LUZP2: variants seen among roughly 807,000 people sequenced by gnomAD.
The protein encoded by LUZP2 is leucine zipper protein 2.
In LUZP2, 52 loss-of-function variants were observed where a neutral mutation model predicts 51.6. That is an observed-to-expected ratio of 1.01 (90% CI 0.81 to 1.27). The LOEUF (loss-of-function observed/expected upper bound fraction) is 1.27, where lower values mean the gene tolerates loss of function less well. Among genes scored for constraint, LUZP2 ranks in the 50% most tolerant of loss-of-function variants. LUZP2 has a pLI of 0.00. For synonymous variants in LUZP2, 154 were observed against 137.3 expected, an observed-to-expected ratio of 1.12 and a Z score of -0.85; for missense variants, 436 against 395.4, an observed-to-expected ratio of 1.10 and a Z score of -0.87.
intron 1 of LUZP2, among the ~76,000 whole-genome samples, chr11:24,536,859 G>T (rs1184195256): frequency 1.3e-5 from 2 of 151,770 alleles, no homozygotes; most frequent in African/African-American, 4.8e-5. Context: ...TTATTTTTAA[G>T]TTTCGATTTA....
intron 4 of LUZP2, among the ~76,000 whole-genome samples, chr11:24,759,654 T>G (rs1170325845): frequency 3.9e-5 from 6 of 152,124 alleles, no homozygotes; most frequent in African/African-American, 1.4e-4. Flanking sequence ...TAATATGGCT[T>G]TAAGTAGTTC....
chr11:24,910,327 A>G (rs568797009), intron 6 of LUZP2, among the ~76,000 whole-genome samples: 2 of 152,340 alleles, frequency 1.3e-5, no homozygotes, highest in South Asian at 2.1e-4. Flanking sequence ...GAGGAGCCCA[A>G]TGTTAATCAC....
chr11:24,696,619 T>C (rs1299302384), intron 1 of LUZP2, among the ~76,000 whole-genome samples: 2 of 152,038 alleles, frequency 1.3e-5, no homozygotes, highest in Non-Finnish European at 2.9e-5. Flanking sequence ...CTCTTGACTC[T>C]GGTAGGGGAT....
At chr11:24,659,430 G>A (rs1351420906) in intron 1 of LUZP2, among the ~76,000 whole-genome samples, 1 of 152,040 alleles carries the variant, frequency 6.6e-6, no homozygotes, top group East Asian at 1.9e-4. Context: ...TGGGGTGGGG[G>A]GAGCGGGGAA....
intron 9 of LUZP2, among the ~76,000 whole-genome samples, chr11:25,018,104 T>C (rs1215000767): frequency 2.6e-5 from 4 of 151,852 alleles, no homozygotes; most frequent in Non-Finnish European, 5.9e-5. Context: ...CTTGATTTGA[T>C]ATTCAGCTTG....
At chr11:24,857,436 AT>A (rs1851605158) in intron 5 of LUZP2, among the ~76,000 whole-genome samples, 1 of 151,548 alleles carries the variant, frequency 6.6e-6, no homozygotes, top group South Asian at 2.1e-4. Flanking sequence ...AACAAGTAAC[AT>A]TAATTTGCTA....
At chr11:24,750,280 C>T (rs1375368494) in intron 4 of LUZP2, among the ~76,000 whole-genome samples, 3 of 152,160 alleles carry the variant, frequency 2.0e-5, no homozygotes, top group Non-Finnish European at 4.4e-5. Flanking sequence ...ATCTTGACTT[C>T]CACAGACTTA....
chr11:24,972,727 T>C (rs1388538846), intron 7 of LUZP2, among the ~76,000 whole-genome samples: 1 of 152,152 alleles, frequency 6.6e-6, no homozygotes, highest in East Asian at 1.9e-4. Flanking sequence ...TGAATTTACA[T>C]TTACTGATTT....
chr11:24,907,196 A>G (rs1853481164), intron 6 of LUZP2, among the ~76,000 whole-genome samples: 1 of 151,988 alleles, frequency 6.6e-6, no homozygotes, highest in Non-Finnish European at 1.5e-5. Flanking sequence ...CGAGTCTGGA[A>G]AATGTCACTA....
At position 24,611,073 on chromosome 11, in the gene LUZP2, T is replaced by TTTTTG. The variant is rs539794541; in HGVS notation, c.62+113789_62+113793dup. 2.6e-4 allele frequency among the ~76,000 whole-genome samples: 39 copies of TTTTTG among 152,246 alleles called. 1 individual carries two copies. The South Asian group carries it at 6.6e-3, about 26-fold the overall frequency. On this transcript the variant is annotated intron_variant, in intron 1 of 11. Coordinates refer to ENST00000336930, the MANE Select transcript of LUZP2 (RefSeq NM_001009909.4). The surrounding 1 kb of genome is among the most constrained non-coding windows in gnomAD (Gnocchi z 4.6). Reference sequence around the variant, plus strand: ...TAGCTTTGTTTTTTTTTATTTTTATTTTTTGTTTTGTTTTGTTTTGTTTTG... The same window carrying TTTTTG: ...TAGCTTTGTTTTTTTTTATTTTTATTTTTTGTTTTGTTTTGTTTTGTTTTGTTTTG...
chr11:24,624,325 AT>A (rs965371532), intron 1 of LUZP2, among the ~76,000 whole-genome samples: 12 of 151,340 alleles, frequency 7.9e-5, no homozygotes, highest in South Asian at 2.1e-4. Flanking sequence ...AATAATAATG[AT>A]TTTTTTTTGT....
chr11:24,795,150 G>A (rs146853363), intron 5 of LUZP2, among the ~76,000 whole-genome samples: 1,832 of 152,124 alleles, frequency 0.012, 18 homozygotes, highest in Admixed American at 0.019. Flanking sequence ...TAATCATATG[G>A]ACAATATACA....
At chr11:24,898,168 A>G (rs1472603381) in intron 5 of LUZP2, among the ~76,000 whole-genome samples, 2 of 152,180 alleles carry the variant, frequency 1.3e-5, no homozygotes, top group East Asian at 1.9e-4. Context: ...GAAAATATCC[A>G]TGAAGAGAAA....
chr11:24,800,495 C>A (rs1470688613), intron 5 of LUZP2, among the ~76,000 whole-genome samples: 1 of 150,952 alleles, frequency 6.6e-6, no homozygotes, highest in Admixed American at 6.6e-5. Flanking sequence ...CTAGTGAATG[C>A]CAGGTCAACC....
chr11:25,059,977 T>G (rs1280466566), intron 10 of LUZP2, among the ~76,000 whole-genome samples: 1 of 152,138 alleles, frequency 6.6e-6, no homozygotes, highest in Non-Finnish European at 1.5e-5. Context: ...GCACCTAATA[T>G]GTGCAAGATA....
At chr11:24,549,103 T>C (rs1851646783) in intron 1 of LUZP2, among the ~76,000 whole-genome samples, 1 of 152,080 alleles carries the variant, frequency 6.6e-6, no homozygotes. Flanking sequence ...ATTCTTTTGT[T>C]ATAAAATTTA....
chr11:24,969,118 T>C (rs1258762807), intron 7 of LUZP2, among the ~76,000 whole-genome samples: 1 of 152,148 alleles, frequency 6.6e-6, no homozygotes, highest in African/African-American at 2.4e-5. Context: ...TTAATCCCAG[T>C]ACCCAATAGT....
intron 1 of LUZP2, among the ~76,000 whole-genome samples, chr11:24,654,531 C>T (rs1855738495): frequency 2.0e-5 from 3 of 151,938 alleles, no homozygotes; most frequent in Admixed American, 1.3e-4. Context: ...TCTCTTGCCT[C>T]AGCCTCTGTT....
At chr11:24,751,768 A>G (rs1210752537) in intron 4 of LUZP2, among the ~76,000 whole-genome samples, 1 of 152,132 alleles carries the variant, frequency 6.6e-6, no homozygotes, top group African/African-American at 2.4e-5. Flanking sequence ...GTACAGAGCT[A>G]CTAAAAAGAA....
Sources: allele counts gnomAD v4.1 joint callset (sites outside exome capture counted in the v4.1 genomes callset), GRCh38; gene constraint gnomAD v4.1.1; non-coding constraint Gnocchi (gnomAD v3.1); transcripts MANE v1.5; gene names NCBI Gene and HGNC (gene_info 2026-07-23, HGNC 2026-07-21).